Variants in ANK3 observed in about 807,000 individuals in gnomAD.
ANK3 encodes the protein ankyrin 3, also known as ankyrin-3.
In ANK3, 57 loss-of-function variants were observed where a neutral mutation model predicts 370.9. That is an observed-to-expected ratio of 0.15 (90% CI 0.12 to 0.19). The LOEUF (loss-of-function observed/expected upper bound fraction) is 0.19, where lower values mean the gene tolerates loss of function less well. Ranked by LOEUF, ANK3 falls within the 10% of genes least tolerant of loss-of-function variation. The probability of loss-of-function intolerance (pLI) is 1.00; values close to 1 mark genes in which losing one functional copy is unlikely to be tolerated. For synonymous variants in ANK3, 1,929 were observed against 1,946.3 expected (o/e 0.99, Z 0.23); for missense variants, 4,439 against 5,302.1 (o/e 0.84, Z 5.06).
In ANK3 at chr10:60,474,703, C is replaced by T. The variant is rs181982332; in HGVS notation, c.96+140483G>A. Among the ~76,000 whole-genome samples, 109 of 152,118 alleles carry T rather than the reference C, an allele frequency of 7.2e-4. 1 individual carries two copies. The highest frequency in any genetic ancestry group is 2.4e-3 in the African/African-American group (101 of 41,510). On this transcript the variant is annotated intron_variant, in intron 2 of 43. Coordinates refer to the ANK3 transcript ENST00000373827. ...TTTCTGTAGCATTTAGGGTGTTTTC[C>T]AGTATGAATTTAAAACCTAATTATT...
rs1176044346 is a variant in ANK3 at position 60,086,734 on chromosome 10, A to C, written c.3691T>G (p.Ser1231Ala). Reference sequence around the variant, plus strand: ...GTAGTGTCCCCTTTGTATCCATTGGATACACCTTCTCCTGAGGGCGGGGGC... The same window carrying C: ...GTAGTGTCCCCTTTGTATCCATTGGCTACACCTTCTCCTGAGGGCGGGGGC... ...PVPPPSGEGV[S>A]NGYKGDTTPN... Residue 1231 changes from serine (S) to alanine (A), a missense_variant, in exon 30 of 44, where the codon TCC (serine) becomes GCC (alanine). Around this residue, in one of 13 missense-constraint regions of ANK3, gnomAD observed 702 missense variants for 941.5 expected, o/e 0.75. Coordinates refer to ENST00000280772, the MANE Select transcript of ANK3 (RefSeq NM_020987.5). 2 of 1,613,910 alleles carry C rather than the reference A, an allele frequency of 1.2e-6. No individual in the cohort carries two copies. The highest frequency in any genetic ancestry group is 1.7e-5 in the Admixed American group (1 of 60,000).
intron 1 of ANK3, among the ~76,000 whole-genome samples, chr10:60,704,747 G>A (rs964794667): frequency 2.0e-5 from 3 of 152,074 alleles, no homozygotes; most frequent in Non-Finnish European, 2.9e-5. Context: ...AATTCAGCAG[G>A]GGGTTAGCCA....
intron 1 of ANK3, among the ~76,000 whole-genome samples, chr10:60,279,907 C>T (rs2098137432): frequency 1.3e-5 from 2 of 152,142 alleles, no homozygotes; most frequent in Non-Finnish European, 2.9e-5. Flanking sequence ...CACCTTAAAT[C>T]AACACACAAT....
At chr10:60,517,614 A>C (rs954285075) in intron 2 of ANK3, among the ~76,000 whole-genome samples, 18 of 152,150 alleles carry the variant, frequency 1.2e-4, no homozygotes, top group Non-Finnish European at 1.8e-4. Context: ...TAACTTTCTA[A>C]AACTCAGTTC....
intron 43 of ANK3, among the ~76,000 whole-genome samples, chr10:60,037,126 G>A (rs1468449415): frequency 1.3e-5 from 2 of 152,254 alleles, no homozygotes; most frequent in South Asian, 2.1e-4. Flanking sequence ...TCTATCAAGT[G>A]CTGTCAATCT....
At chr10:60,265,333 T>C (rs1055973387) in intron 5 of ANK3, among the ~76,000 whole-genome samples, 2 of 152,186 alleles carry the variant, frequency 1.3e-5, no homozygotes, top group African/African-American at 2.4e-5. Context: ...AACACGACTT[T>C]AGAATAAATT....
At chr10:60,680,267 T>C (rs954601740) in intron 1 of ANK3, among the ~76,000 whole-genome samples, 1 of 152,186 alleles carries the variant, frequency 6.6e-6, no homozygotes, top group Non-Finnish European at 1.5e-5. Flanking sequence ...AGACAAGAAT[T>C]GAGCTGCTGC....
chr10:60,080,051 C>T (rs2084811129), intron 36 of ANK3, among the ~76,000 whole-genome samples: 1 of 152,022 alleles, frequency 6.6e-6, no homozygotes, highest in African/African-American at 2.4e-5. Context: ...TAAACAAGTG[C>T]TACCTCAAGA....
At position 60,150,344 on chromosome 10, in the gene ANK3, C is replaced by T. The variant is rs560998678; in HGVS notation, c.2615-11257G>A. On this transcript the variant is annotated intron_variant, in intron 23 of 43. Coordinates refer to ENST00000280772, the MANE Select transcript of ANK3 (RefSeq NM_020987.5). ...ATATGAAACACCTCTTCCCAATCCC[C>T]ATCCTTCTACCCGTGCAAAATTTCT... Among the ~76,000 whole-genome samples, 55 of 152,302 alleles carry T rather than the reference C, an allele frequency of 3.6e-4. 1 individual carries two copies. The highest frequency in any genetic ancestry group is 1.3e-3 in the African/African-American group (54 of 41,574).
upstream of ANK3, among the ~76,000 whole-genome samples, chr10:60,393,500 T>C (rs185882945): frequency 6.6e-6 from 1 of 152,318 alleles, no homozygotes; most frequent in East Asian, 1.9e-4. Context: ...GTTGGGCATA[T>C]GGAGTAATGG....
At chr10:60,143,773 G>T (rs1371300786) in intron 23 of ANK3, among the ~76,000 whole-genome samples, 1 of 152,184 alleles carries the variant, frequency 6.6e-6, no homozygotes, top group East Asian at 1.9e-4. Context: ...TTGGCAAAGT[G>T]ATTTTGAATG....
intron 1 of ANK3, among the ~76,000 whole-genome samples, chr10:60,666,625 G>A (rs74155654): frequency 0.011 from 1,657 of 152,232 alleles, 26 homozygotes; most frequent in African/African-American, 0.038. Context: ...GGTTTCTTAA[G>A]TGTAGAAAAC....
intron 1 of ANK3, among the ~76,000 whole-genome samples, chr10:60,333,781 T>C (rs1004183922): frequency 3.3e-5 from 5 of 152,218 alleles, no homozygotes; most frequent in Admixed American, 1.3e-4. Context: ...AAAGTGTTCC[T>C]ATTTCTCCAC....
intron 26 of ANK3, among the ~76,000 whole-genome samples, chr10:60,113,639 G>A (rs1444616640): frequency 6.6e-6 from 1 of 152,174 alleles, no homozygotes; most frequent in African/African-American, 2.4e-5. Flanking sequence ...GGGCCCAGGA[G>A]GTAGAGGTTT....
Position 60,055,946 on chromosome 10 carries a change from T to A in ANK3, c.12777A>T (p.Pro4259=), listed in dbSNP as rs1589334568. 6.2e-7 allele frequency: 1 copy of A among 1,614,180 alleles called. No homozygotes were observed. The highest frequency in any genetic ancestry group is 8.5e-7 in the Non-Finnish European group (1 of 1,180,040). Reference sequence around the variant, plus strand: ...GAAAGTAAGATTTTGTCTTTGCTTCTGGAGTGATTTCTGTATGGCTTCCAT... The same window carrying A: ...GAAAGTAAGATTTTGTCTTTGCTTCAGGAGTGATTTCTGTATGGCTTCCAT... The part of the protein sequence containing the change: ...EANGSHTEIT[P]EAKTKSYFPE... The change falls in exon 42 of 44, where the codon CCA becomes CCT. Residue 4259 remains proline (P), a synonymous_variant. Coordinates refer to ENST00000280772, the MANE Select transcript of ANK3 (RefSeq NM_020987.5).
chr10:60,714,213 G>A (rs993249739), intron 1 of ANK3, among the ~76,000 whole-genome samples: 3 of 152,278 alleles, frequency 2.0e-5, no homozygotes. Flanking sequence ...CAGGTAATCT[G>A]AATAATCCTT....
intron 16 of ANK3, among the ~76,000 whole-genome samples, chr10:60,188,992 T>G (rs1035967094): frequency 2.0e-5 from 3 of 152,226 alleles, no homozygotes; most frequent in Non-Finnish European, 4.4e-5. Context: ...AACACTAACC[T>G]AACTACTTCG....
chr10:60,547,991 A>C (rs1397824908), intron 2 of ANK3, among the ~76,000 whole-genome samples: 1 of 152,174 alleles, frequency 6.6e-6, no homozygotes, highest in African/African-American at 2.4e-5. Flanking sequence ...ACTGCAAAGG[A>C]AACACACAAG....
intron 2 of ANK3, chr10:60,572,629 T>C: frequency 6.7e-7 from 1 of 1,483,618 alleles, no homozygotes. Context: ...CAAAGTCCAT[T>C]TACGGGTGCT....
Sources: gnomAD v4.1 joint callset for allele counts (sites outside exome capture counted in the v4.1 genomes callset) on GRCh38, gnomAD v4.1.1 for gene constraint, gnomAD v4.1.1 regional missense constraint, MANE v1.5 for transcripts, NCBI Gene and HGNC (gene_info 2026-07-23, HGNC 2026-07-21) for gene names.